PRKN: variants seen among roughly 807,000 people sequenced by gnomAD.
PRKN encodes parkin RBR E3 ubiquitin protein ligase.
In PRKN, 56 loss-of-function variants were observed where a neutral mutation model predicts 59.5. The observed-to-expected ratio is 0.94, with a 90% CI of 0.76 to 1.18. The LOEUF (loss-of-function observed/expected upper bound fraction) is 1.18. Among genes scored for constraint, PRKN ranks in the 50% most tolerant of loss-of-function variants. The probability of loss-of-function intolerance (pLI) is 0.00; values close to 1 mark genes in which losing one functional copy is unlikely to be tolerated. For synonymous variants in PRKN, 250 were observed against 222.1 expected (o/e 1.13, Z -1.12); for missense variants, 657 against 596.4 (o/e 1.10, Z -1.06).
intron 1 of PRKN, among the ~76,000 whole-genome samples, chr6:162,666,402 A>T (rs1418133056): frequency 6.6e-6 from 1 of 152,110 alleles, no homozygotes; most frequent in Admixed American, 6.6e-5. Context: ...ATCATTTTTT[A>T]AAAATGGCAT....
intron 6 of PRKN, among the ~76,000 whole-genome samples, chr6:161,859,299 C>A (rs1301967069): frequency 1.3e-5 from 2 of 151,916 alleles, no homozygotes; most frequent in South Asian, 2.1e-4. Flanking sequence ...TCTCACATTT[C>A]GGTTTTCTAG....
At chr6:162,424,017 G>A (rs1789103912) in intron 2 of PRKN, among the ~76,000 whole-genome samples, 1 of 152,204 alleles carries the variant, frequency 6.6e-6, no homozygotes, top group East Asian at 1.9e-4. Flanking sequence ...CTCATAGGGT[G>A]AACAGATAAA....
intron 1 of PRKN, among the ~76,000 whole-genome samples, chr6:162,655,121 A>G (rs1374489605): frequency 6.6e-6 from 1 of 152,128 alleles, no homozygotes; most frequent in Admixed American, 6.5e-5. Flanking sequence ...AAATAAAAAT[A>G]TACATAATTT....
At chr6:161,896,073 C>G (rs942711699) in intron 6 of PRKN, among the ~76,000 whole-genome samples, 1 of 152,114 alleles carries the variant, frequency 6.6e-6, no homozygotes, top group African/African-American at 2.4e-5. Flanking sequence ...GCGGGTGAAG[C>G]AGGGCAGGTG....
rs1785861096 is a variant in PRKN, at chr6:161,379,157, G to A, written c.1167+7637C>T. On this transcript the variant is annotated intron_variant, in intron 10 of 11. Coordinates refer to ENST00000366898, the MANE Select transcript of PRKN (RefSeq NM_004562.3). This position sits in a 1 kb window ranked among gnomAD's most constrained non-coding sequence, Gnocchi z 4.9. ...ATTTGGCACCCAGGTGGTTCACTGT[G>A]GCATCTCTTGGTCCTCCCCTGCCCA... Among the ~76,000 whole-genome samples, 2 of 152,090 alleles carry A rather than the reference G, an allele frequency of 1.3e-5. No individual in the cohort carries two copies. Among genetic ancestry groups the A allele is most frequent in the Admixed American group, 6.5e-5 (1 of 15,272 alleles).
At chr6:161,646,699 C>A (rs997505475) in intron 7 of PRKN, among the ~76,000 whole-genome samples, 2 of 152,180 alleles carry the variant, frequency 1.3e-5, no homozygotes, top group Non-Finnish European at 2.9e-5. Context: ...GTGTTTGATG[C>A]AGCCTCCTAA....
intron 6 of PRKN, among the ~76,000 whole-genome samples, chr6:161,848,009 T>C (rs2128221866): frequency 6.6e-6 from 1 of 152,206 alleles, no homozygotes; most frequent in Non-Finnish European, 1.5e-5. Flanking sequence ...GTAGGGAAGA[T>C]TTAGGTCACC....
intron 1 of PRKN, among the ~76,000 whole-genome samples, chr6:162,562,969 A>G (rs561803986): frequency 6.6e-6 from 1 of 152,270 alleles, no homozygotes; most frequent in Admixed American, 6.5e-5. Context: ...CTCAAGCTTT[A>G]GGTGGCTCAG....
At chr6:161,967,675 C>T (rs1790000) in intron 6 of PRKN, among the ~76,000 whole-genome samples, 52,744 of 152,054 alleles carry the variant, frequency 0.35, 10,137 homozygotes, top group South Asian at 0.51. Context: ...CAGAAGGCTC[C>T]GTCATCAAGG....
At chr6:162,289,098 T>C (rs1781317546) in intron 2 of PRKN, among the ~76,000 whole-genome samples, 1 of 152,122 alleles carries the variant, frequency 6.6e-6, no homozygotes, top group African/African-American at 2.4e-5. Flanking sequence ...ACAACAGAAA[T>C]GCACTGTCTC....
In PRKN at chr6:161,442,956, C is replaced by T. The variant is rs181500156; in HGVS notation, c.1084-56079G>A. 1.1e-4 allele frequency among the ~76,000 whole-genome samples: 17 copies of T among 152,248 alleles called. No individual in the cohort carries two copies. The highest frequency in any genetic ancestry group is 2.2e-4 in the Non-Finnish European group (15 of 68,032). ...CTCCCCAGTGCACAGATGAGGAAAT[C>T]GGGGCTCTGAGAGGTTAACTGACCT... On this transcript the variant is annotated intron_variant, in intron 9 of 11. Transcript: ENST00000366898. This position sits in a 1 kb window ranked among gnomAD's most constrained non-coding sequence, Gnocchi z 4.6.
chr6:161,752,297 G>A lies in PRKN; in HGVS notation c.871+33475C>T, dbSNP rs975936626. 6.6e-5 allele frequency among the ~76,000 whole-genome samples: 10 copies of A among 152,178 alleles called. 1 individual carries two copies. Among genetic ancestry groups the A allele is most frequent in the African/African-American group, 2.4e-4 (10 of 41,548 alleles). ...AGGCAGGAGAATTGCTTGAACTCAG[G>A]GCAGAGGCTGCAGTGAGCCGAGATC... On this transcript the variant is annotated intron_variant, in intron 7 of 11. Coordinates refer to ENST00000366898, the MANE Select transcript of PRKN (RefSeq NM_004562.3).
At chr6:161,788,456 G>A (rs375102465) in intron 6 of PRKN, among the ~76,000 whole-genome samples, 4 of 152,122 alleles carry the variant, frequency 2.6e-5, no homozygotes, top group Non-Finnish European at 5.9e-5. Context: ...CTGCAGATGC[G>A]GTGGGTCCAG....
intron 3 of PRKN, among the ~76,000 whole-genome samples, chr6:162,226,784 C>T (rs1339542811): frequency 6.6e-6 from 1 of 152,164 alleles, no homozygotes; most frequent in Non-Finnish European, 1.5e-5. Context: ...TGCCCGAAGA[C>T]TCCATGAGTA....
chr6:161,580,379 T>C (rs143586571), intron 7 of PRKN, among the ~76,000 whole-genome samples: 1 of 152,182 alleles, frequency 6.6e-6, no homozygotes, highest in Non-Finnish European at 1.5e-5. Flanking sequence ...CTCAGGTGAC[T>C]GCACCATGGC....
chr6:161,797,533 G>C (rs574052345), intron 6 of PRKN, among the ~76,000 whole-genome samples: 50 of 152,298 alleles, frequency 3.3e-4, no homozygotes, highest in African/African-American at 1.2e-3. Flanking sequence ...CCAAACTGCT[G>C]GGATTTAAAG....
chr6:162,092,592 A>C (rs1011027279), intron 4 of PRKN, among the ~76,000 whole-genome samples: 1 of 152,244 alleles, frequency 6.6e-6, no homozygotes, highest in Non-Finnish European at 1.5e-5. Flanking sequence ...GTCATACTCC[A>C]TAAGTCTGAA....
At chr6:162,589,294 G>A (rs1038029424) in intron 1 of PRKN, among the ~76,000 whole-genome samples, 3 of 151,764 alleles carry the variant, frequency 2.0e-5, no homozygotes, top group Admixed American at 6.6e-5. Flanking sequence ...TTGTTTCATT[G>A]TAAATATCTT....
At chr6:161,568,669 A>T (rs936681084) in intron 8 of PRKN, among the ~76,000 whole-genome samples, 1 of 152,200 alleles carries the variant, frequency 6.6e-6, no homozygotes, top group African/African-American at 2.4e-5. Flanking sequence ...AGTGTATTTT[A>T]AGGATAACTT....
Sources: gnomAD v4.1 joint callset for allele counts (sites outside exome capture counted in the v4.1 genomes callset) on GRCh38, gnomAD v4.1.1 for gene constraint, Gnocchi (gnomAD v3.1) non-coding constraint, MANE v1.5 for transcripts, NCBI Gene and HGNC (gene_info 2026-07-23, HGNC 2026-07-21) for gene names.